The following ACVR2A variants were observed in gnomAD, a reference collection of about 807,000 sequenced individuals.
The protein encoded by ACVR2A is activin receptor type-2A.
In ACVR2A, 7 loss-of-function variants were observed where a neutral mutation model predicts 61.4. That is an observed-to-expected ratio of 0.11 (90% confidence interval 0.06 to 0.21). ACVR2A has a LOEUF of 0.21. Ranked by LOEUF, ACVR2A falls within the 10% of genes least tolerant of loss-of-function variation. The pLI is 1.00. For missense variants in ACVR2A, 322 were observed against 621.7 expected, an observed-to-expected ratio of 0.52 and a Z score of 5.13; for synonymous variants, 193 against 208.3, an observed-to-expected ratio of 0.93 and a Z score of 0.63.
intron 6 of ACVR2A, among the ~76,000 whole-genome samples, chr2:147,918,009 C>T (rs1470893892): frequency 6.6e-6 from 1 of 151,702 alleles, no homozygotes; most frequent in Admixed American, 6.6e-5. Context: ...CTTATCTTGA[C>T]CTAAAGGACA....
intron 6 of ACVR2A, 96 bp downstream of exon 6, chr2:147,917,522 T>C (rs944937272): frequency 8.2e-7 from 1 of 1,217,764 alleles, no homozygotes; most frequent in Admixed American, 2.5e-5. Flanking sequence ...TCGAGACATC[T>C]TATAGTTGAT....
At chr2:147,924,469 T>G (rs1293792788) in intron 9 of ACVR2A, among the ~76,000 whole-genome samples, 1 of 151,918 alleles carries the variant, frequency 6.6e-6, no homozygotes, top group Non-Finnish European at 1.5e-5. Context: ...AATACAAGCA[T>G]GTGTTTTAGG....
intron 4 of ACVR2A, among the ~76,000 whole-genome samples, chr2:147,900,258 A>G (rs950105164): frequency 3.9e-5 from 6 of 152,022 alleles, no homozygotes; most frequent in African/African-American, 1.4e-4. Context: ...CTCCATTTCT[A>G]GATTTCTGTG....
At chr2:147,880,190 C>G (rs1365767485) in intron 1 of ACVR2A, among the ~76,000 whole-genome samples, 3 of 151,986 alleles carry the variant, frequency 2.0e-5, no homozygotes, top group African/African-American at 7.3e-5. Context: ...GCAGTGATGA[C>G]TAGTAAGCAT....
At chr2:147,857,309 A>G (rs540079548) in intron 1 of ACVR2A, among the ~76,000 whole-genome samples, 1 of 152,140 alleles carries the variant, frequency 6.6e-6, no homozygotes, top group Non-Finnish European at 1.5e-5. Flanking sequence ...TATATTTAGC[A>G]GTCCTCAATT....
At chr2:147,877,548 A>AT (rs1686190579) in intron 1 of ACVR2A, 1 of 152,204 alleles carries the variant, frequency 6.6e-6, no homozygotes, top group African/African-American at 2.4e-5. Context: ...CACCTTGTTA[A>AT]TTTAACTCTT....
chr2:147,846,623 G>A (rs971747173), intron 1 of ACVR2A, among the ~76,000 whole-genome samples: 13 of 152,150 alleles, frequency 8.5e-5, no homozygotes, highest in African/African-American at 2.9e-4. Flanking sequence ...ATGGAAGAAG[G>A]AACATGCTTA....
rs959704797 is a variant in ACVR2A at position 147,891,785 on chromosome 2, A to G, written c.56-4516A>G. ...ATATTTACTGTCTGAATCTTTACAT[A>G]AAAAAATTGCCATTCCTGTTTTAAG... On this transcript the variant is annotated intron_variant, in intron 1 of 10. Coordinates refer to ENST00000241416, the MANE Select transcript of ACVR2A (RefSeq NM_001616.5). Among the ~76,000 whole-genome samples the G allele has an allele frequency of 2.6e-5, 4 of 152,098 alleles. No homozygotes were observed. The East Asian group carries it at 5.8e-4, about 22-fold the overall frequency.
intron 1 of ACVR2A, among the ~76,000 whole-genome samples, chr2:147,850,424 G>A (rs1233598378): frequency 1.3e-5 from 2 of 152,098 alleles, no homozygotes; most frequent in Admixed American, 1.3e-4. Context: ...CAAATGGCTT[G>A]AACTTTAGAT....
At chr2:147,913,981 T>G (rs1687188478) in intron 4 of ACVR2A, among the ~76,000 whole-genome samples, 1 of 151,952 alleles carries the variant, frequency 6.6e-6, no homozygotes, top group Admixed American at 6.6e-5. Context: ...ACATAACACC[T>G]TGCAATGTTT....
chr2:147,925,962 G>GT (rs777274477), intron 9 of ACVR2A, 69 bp from the exon 10 acceptor site: 1 of 1,509,470 alleles, frequency 6.6e-7, no homozygotes, highest in Non-Finnish European at 9.0e-7. Flanking sequence ...ATTTTAGAAA[G>GT]TTTGTACCAG....
intron 1 of ACVR2A, among the ~76,000 whole-genome samples, chr2:147,845,524 C>T (rs913102286): frequency 1.3e-5 from 2 of 152,090 alleles, no homozygotes; most frequent in Admixed American, 6.5e-5. Context: ...GCAATTAAGC[C>T]GCAAATACCA....
chr2:147,927,470 T>C lies in ACVR2A; in HGVS notation c.*196T>C. 1 of 517,038 alleles carries C rather than the reference T, an allele frequency of 1.9e-6. No individual in the cohort carries two copies. The highest frequency in any genetic ancestry group is 3.3e-6 in the Non-Finnish European group (1 of 302,128). 32.0% of individuals were successfully genotyped at this position (517,038 alleles called of 1,614,324 possible). A position where few individuals can be genotyped will look rare whatever the true frequency, so the allele number is the denominator to read the frequency against. ...GCCGACAGCACAGATGTGAAGGACA[T>C]GAGACTAAGAGAAACCTTGCAAACT... is the stretch of plus-strand genomic sequence containing the variant. On this transcript the variant is annotated 3_prime_UTR_variant, in exon 11 of 11. Transcript: ENST00000241416.
At chr2:147,892,676 T>C (rs1168277462) in intron 1 of ACVR2A, among the ~76,000 whole-genome samples, 1 of 151,848 alleles carries the variant, frequency 6.6e-6, no homozygotes, top group Admixed American at 6.6e-5. Flanking sequence ...TTAATGATTG[T>C]TGTAGTAGAA....
At chr2:147,906,063 C>T (rs1686982656) in intron 4 of ACVR2A, among the ~76,000 whole-genome samples, 1 of 152,096 alleles carries the variant, frequency 6.6e-6, no homozygotes, top group East Asian at 1.9e-4. Context: ...TATCCTCCTT[C>T]TCTGGCAAGG....
intron 1 of ACVR2A, among the ~76,000 whole-genome samples, chr2:147,862,916 C>T (rs1359307464): frequency 2.0e-5 from 3 of 152,022 alleles, no homozygotes; most frequent in Non-Finnish European, 2.9e-5. Context: ...TAATGATTAC[C>T]GTTTGTTAAA....
chr2:147,905,247 A>G (rs1189107531), intron 4 of ACVR2A, among the ~76,000 whole-genome samples: 1 of 152,004 alleles, frequency 6.6e-6, no homozygotes, highest in African/African-American at 2.4e-5. Flanking sequence ...CTATTCCACA[A>G]CTGGCTTATT....
chr2:147,917,172 CTT>C, intron 5 of ACVR2A, 109 bp from the exon 6 acceptor site: 2 of 1,206,180 alleles, frequency 1.7e-6, no homozygotes, highest in Non-Finnish European at 1.1e-6. Flanking sequence ...TTTTTTAAGA[CTT>C]TTTTGTTTTG....
In ACVR2A at chr2:147,896,283, G is replaced by GT; in HGVS notation, c.56-13dup. On this transcript the variant is annotated splice_polypyrimidine_tract_variant and intron_variant, in intron 1 of 10. Transcript: ENST00000241416. ...TAACAGATAATGTGGTTATATTATTGTTTTTATTATCTTATAGGTGCTATA... is the reference window on the plus strand; with the variant it reads ...TAACAGATAATGTGGTTATATTATTGTTTTTTATTATCTTATAGGTGCTATA... 1.3e-6 allele frequency: 2 copies of GT among 1,590,752 alleles called. No homozygotes were observed. Among genetic ancestry groups the GT allele is most frequent in the Non-Finnish European group, 1.7e-6 (2 of 1,161,856 alleles).
Sources: allele counts gnomAD v4.1 joint callset (sites outside exome capture counted in the v4.1 genomes callset), GRCh38; gene constraint gnomAD v4.1.1; transcripts MANE v1.5; gene names NCBI Gene and HGNC (gene_info 2026-07-23, HGNC 2026-07-21).